The following CSMD1 variants were observed in gnomAD, a reference collection of about 807,000 sequenced individuals.
The protein encoded by CSMD1 is CUB and Sushi multiple domains 1, also known as CUB and sushi domain-containing protein 1.
Under a neutral mutation model 417.5 loss-of-function variants are expected in CSMD1, and 213 were observed. That is an observed-to-expected ratio of 0.51 (90% CI 0.46 to 0.57). The LOEUF (loss-of-function observed/expected upper bound fraction) is 0.57, where lower values mean the gene tolerates loss of function less well. CSMD1 is among the 20% of genes least tolerant of loss of function. CSMD1 has a pLI of 0.00. For missense variants in CSMD1, 6,923 were observed against 4,529.7 expected, an observed-to-expected ratio of 1.53 and a Z score of -15.17; for synonymous variants, 2,862 against 1,736.8, an observed-to-expected ratio of 1.65 and a Z score of -16.11.
At chr8:4,261,021 T>G (rs992046564) in intron 3 of CSMD1, among the ~76,000 whole-genome samples, 7 of 152,230 alleles carry the variant, frequency 4.6e-5, no homozygotes, top group African/African-American at 1.2e-4. Flanking sequence ...AAGTTCAACG[T>G]AGACATCACT....
intron 3 of CSMD1, among the ~76,000 whole-genome samples, chr8:4,221,071 T>G (rs527405768): frequency 1.7e-4 from 26 of 152,218 alleles, no homozygotes; most frequent in African/African-American, 6.0e-4. Context: ...AAACTTTAGT[T>G]TGGGGAAATC....
At chr8:4,111,279 G>C (rs752780588) in intron 3 of CSMD1, among the ~76,000 whole-genome samples, 1 of 152,122 alleles carries the variant, frequency 6.6e-6, no homozygotes, top group African/African-American at 2.4e-5. Context: ...ATATAGATCA[G>C]TGAAATCTTA....
chr8:4,142,640 G>C (rs886373271), intron 3 of CSMD1, among the ~76,000 whole-genome samples: 7 of 151,148 alleles, frequency 4.6e-5, no homozygotes, highest in Non-Finnish European at 4.4e-5. Context: ...TTGCAAATGA[G>C]AGAGAAAACA....
At chr8:3,157,387 GC>G (rs1339312494) in intron 39 of CSMD1, among the ~76,000 whole-genome samples, 6 of 152,134 alleles carry the variant, frequency 3.9e-5, no homozygotes, top group Non-Finnish European at 8.8e-5. Flanking sequence ...GCTCTGGAAA[GC>G]TTTTTCCTAA....
intron 1 of CSMD1, among the ~76,000 whole-genome samples, chr8:4,945,339 G>C (rs922958914): frequency 1.3e-5 from 2 of 152,064 alleles, no homozygotes; most frequent in Non-Finnish European, 2.9e-5. Flanking sequence ...TGATTGCACA[G>C]CCATGTGAAG....
chr8:4,117,246 C>CCTT (rs1802207613), intron 3 of CSMD1, among the ~76,000 whole-genome samples: 1 of 151,184 alleles, frequency 6.6e-6, no homozygotes, highest in Admixed American at 6.6e-5. Context: ...TGTCTGCTTT[C>CCTT]CTCTCATCTA....
chr8:4,544,768 C>G (rs1797558982), intron 2 of CSMD1, among the ~76,000 whole-genome samples: 1 of 152,124 alleles, frequency 6.6e-6, no homozygotes, highest in South Asian at 2.1e-4. Flanking sequence ...TTTTGAAGGG[C>G]AGCACTGCTG....
intron 5 of CSMD1, among the ~76,000 whole-genome samples, chr8:3,800,479 A>G (rs1296059264): frequency 6.6e-6 from 1 of 152,140 alleles, no homozygotes; most frequent in Non-Finnish European, 1.5e-5. Context: ...TCCACATGCA[A>G]AAATGCATTT....
chr8:3,961,392 A>T (rs1214528717), intron 5 of CSMD1, among the ~76,000 whole-genome samples: 7 of 152,206 alleles, frequency 4.6e-5, no homozygotes, highest in African/African-American at 1.7e-4. Context: ...TCCACTGTAC[A>T]CAGTTTCAGT....
chr8:3,746,197 G>C (rs1348635287), intron 6 of CSMD1, among the ~76,000 whole-genome samples: 8 of 152,234 alleles, frequency 5.3e-5, no homozygotes, highest in Non-Finnish European at 1.2e-4. Flanking sequence ...AGCAGTTTAG[G>C]ACTGATATGC....
At chr8:4,305,191 C>T (rs11776123) in intron 3 of CSMD1, among the ~76,000 whole-genome samples, 115,388 of 152,142 alleles carry the variant, frequency 0.76, 43,848 homozygotes, top group East Asian at 0.85. Flanking sequence ...CAAGTAACTT[C>T]ACAAACACAC....
intron 44 of CSMD1, among the ~76,000 whole-genome samples, chr8:3,108,143 T>C (rs897265934): frequency 2.0e-5 from 3 of 152,192 alleles, no homozygotes; most frequent in Non-Finnish European, 4.4e-5. Context: ...GTCTGCCCTG[T>C]CCCGTGTCCT....
intron 1 of CSMD1, among the ~76,000 whole-genome samples, chr8:4,751,920 C>A (rs1457562110): frequency 6.6e-6 from 1 of 152,098 alleles, no homozygotes; most frequent in Non-Finnish European, 1.5e-5. Flanking sequence ...GTTCCAGAGT[C>A]AGGAAGATCC....
At chr8:4,091,956 C>G (rs1800744758) in intron 3 of CSMD1, among the ~76,000 whole-genome samples, 1 of 152,152 alleles carries the variant, frequency 6.6e-6, no homozygotes, top group African/African-American at 2.4e-5. Context: ...GGAAAAGGGA[C>G]TCACGTAACT....
chr8:3,398,449 T>C (rs1156439257), intron 16 of CSMD1, among the ~76,000 whole-genome samples: 1 of 152,208 alleles, frequency 6.6e-6, no homozygotes, highest in Non-Finnish European at 1.5e-5. Context: ...TTCAAATAAA[T>C]ACAATTACTG....
intron 1 of CSMD1, among the ~76,000 whole-genome samples, chr8:4,678,910 CAAAT>C (rs1805857885): frequency 6.6e-6 from 1 of 152,102 alleles, no homozygotes; most frequent in African/African-American, 2.4e-5. Context: ...ATTTGACAAA[CAAAT>C]AGATTGTACT....
At chr8:3,571,004 T>A (rs1399908759) in intron 10 of CSMD1, among the ~76,000 whole-genome samples, 1 of 152,236 alleles carries the variant, frequency 6.6e-6, no homozygotes, top group Non-Finnish European at 1.5e-5. Context: ...TGATTATTGA[T>A]GTATAATCTG....
At chr8:3,014,478 A>T (rs1808670648) in intron 52 of CSMD1, among the ~76,000 whole-genome samples, 1 of 152,124 alleles carries the variant, frequency 6.6e-6, no homozygotes, top group South Asian at 2.1e-4. Flanking sequence ...CCTTTCCATA[A>T]TATCTCACCA....
chr8:3,973,923 C>T (rs1056265183), intron 5 of CSMD1, among the ~76,000 whole-genome samples: 1 of 152,108 alleles, frequency 6.6e-6, no homozygotes, highest in African/African-American at 2.4e-5. Flanking sequence ...TACAGGAATG[C>T]CATGTGAAAC....
Sources: gnomAD v4.1 joint callset for allele counts (sites outside exome capture counted in the v4.1 genomes callset) on GRCh38, gnomAD v4.1.1 for gene constraint, MANE v1.5 for transcripts, NCBI Gene and HGNC (gene_info 2026-07-23, HGNC 2026-07-21) for gene names.